Variants in TCF20 observed in about 807,000 individuals in gnomAD.
TCF20 encodes SPRE-binding protein.
TCF20 carries 3 observed loss-of-function variants against 148.6 expected under a neutral mutation model. The ratio of observed to expected loss-of-function variants is 0.02; its 90% CI spans 0.01 to 0.05. TCF20 has a LOEUF of 0.05. Ranked by LOEUF, TCF20 falls within the 10% of genes least tolerant of loss-of-function variation. The pLI, the probability that TCF20 is intolerant of heterozygous loss-of-function variation, is 1.00. For missense variants in TCF20, 2,350 were observed against 2,429.3 expected (o/e 0.97, Z 0.69); for synonymous variants, 1,049 against 909.5 (o/e 1.15, Z -2.76).
At chr22:42,226,760 A>G (rs1922940791) in intron 1 of TCF20, among the ~76,000 whole-genome samples, 1 of 152,188 alleles carries the variant, frequency 6.6e-6, no homozygotes, top group Non-Finnish European at 1.5e-5. Flanking sequence ...ATTAAAATTC[A>G]AAAGATATCA....
intron 2 of TCF20, among the ~76,000 whole-genome samples, chr22:42,198,172 G>A (rs890508134): frequency 6.6e-6 from 1 of 152,084 alleles, no homozygotes; most frequent in African/African-American, 2.4e-5. Context: ...AGATTAGAAT[G>A]AAAATTAAAA....
intron 5 of TCF20, among the ~76,000 whole-genome samples, chr22:42,164,413 A>G (rs958491812): frequency 1.3e-5 from 2 of 151,700 alleles, no homozygotes; most frequent in South Asian, 2.1e-4. Context: ...TAGTGTTTTA[A>G]TTTTTTGTAT....
At chr22:42,313,445 T>C (rs973423757) in intron 1 of TCF20, among the ~76,000 whole-genome samples, 5 of 152,070 alleles carry the variant, frequency 3.3e-5, no homozygotes, top group African/African-American at 1.2e-4. Flanking sequence ...TTCCTTCACA[T>C]TGCTTCCTGC....
At chr22:42,182,345 C>T (rs1660865863) in intron 2 of TCF20, among the ~76,000 whole-genome samples, 3 of 152,160 alleles carry the variant, frequency 2.0e-5, no homozygotes, top group Non-Finnish European at 4.4e-5. Context: ...AGGCTTAAAA[C>T]AGTGGCTGGG....
At chr22:42,339,705 C>T (rs1010149860) in intron 1 of TCF20, among the ~76,000 whole-genome samples, 1 of 152,244 alleles carries the variant, frequency 6.6e-6, no homozygotes. Context: ...GTGAGTGGCA[C>T]AGCCACAGTG....
At chr22:42,184,745 A>C (rs1936966135) in intron 2 of TCF20, among the ~76,000 whole-genome samples, 1 of 152,208 alleles carries the variant, frequency 6.6e-6, no homozygotes, top group African/African-American at 2.4e-5. Context: ...AAACTTCAAA[A>C]TCTTTTAATA....
At chr22:42,238,189 T>C (rs1489916484) in intron 1 of TCF20, among the ~76,000 whole-genome samples, 2 of 152,244 alleles carry the variant, frequency 1.3e-5, no homozygotes, top group Non-Finnish European at 2.9e-5. Context: ...ACATTAGCAC[T>C]TGCTTCAACT....
At chr22:42,209,061 CGACTGCAA>C (rs1470448543) in intron 2 of TCF20, among the ~76,000 whole-genome samples, 1 of 152,190 alleles carries the variant, frequency 6.6e-6, no homozygotes, top group Non-Finnish European at 1.5e-5. Context: ...CCAGGAAGAA[CGACTGCAA>C]GACAGTGAGA....
At chr22:42,328,134 C>G (rs1927906689) in intron 1 of TCF20, among the ~76,000 whole-genome samples, 1 of 152,088 alleles carries the variant, frequency 6.6e-6, no homozygotes, top group African/African-American at 2.4e-5. Flanking sequence ...GAACAAATGC[C>G]CCTTCTCCAC....
intron 1 of TCF20, among the ~76,000 whole-genome samples, chr22:42,321,140 C>T (rs1411467874): frequency 6.6e-6 from 1 of 152,354 alleles, no homozygotes; most frequent in South Asian, 2.1e-4. Context: ...AGATTTAAGG[C>T]CTTCTTGGCC....
At chr22:42,316,644 G>A (rs1927637022) in intron 1 of TCF20, among the ~76,000 whole-genome samples, 1 of 113,396 alleles carries the variant, frequency 8.8e-6, no homozygotes, top group African/African-American at 4.2e-5. Context: ...CACCATGTTG[G>A]CCAGGCTGGT....
At chr22:42,293,835 A>T (rs574414761) in intron 1 of TCF20, among the ~76,000 whole-genome samples, 1 of 152,218 alleles carries the variant, frequency 6.6e-6, no homozygotes, top group Non-Finnish European at 1.5e-5. Flanking sequence ...CACCGTCTCT[A>T]CTAACATTAC....
At chr22:42,175,993 A>G (rs900693812) in intron 3 of TCF20, among the ~76,000 whole-genome samples, 2 of 151,804 alleles carry the variant, frequency 1.3e-5, no homozygotes, top group Non-Finnish European at 2.9e-5. Context: ...ACAGGGTTTC[A>G]CCATGTTGGC....
At chr22:42,168,380 G>A (rs556156452) in intron 5 of TCF20, among the ~76,000 whole-genome samples, 43 of 152,280 alleles carry the variant, frequency 2.8e-4, no homozygotes, top group Non-Finnish European at 5.1e-4. Context: ...CTGCCTTCAG[G>A]AACAGTCACC....
In TCF20 at chr22:42,290,818, G is replaced by A. The variant is rs1927119623; in HGVS notation, c.-37+52661C>T. ...GCCTCCCAGAGCACACAGGGGCCTT[G>A]GGGCAGGCCTGCTGCCCATCCTGGT... On this transcript the variant is annotated intron_variant, in intron 1 of 1. Transcript: ENST00000515426. This position sits in a 1 kb window ranked among gnomAD's most constrained non-coding sequence, Gnocchi z 4.2. Among the ~76,000 whole-genome samples the A allele has an allele frequency of 1.3e-5, 2 of 152,338 alleles. No individual in the cohort carries two copies. Among genetic ancestry groups the A allele is most frequent in the Admixed American group, 6.5e-5 (1 of 15,308 alleles).
At chr22:42,185,287 A>G (rs1936990458) in intron 2 of TCF20, among the ~76,000 whole-genome samples, 1 of 152,034 alleles carries the variant, frequency 6.6e-6, no homozygotes, top group African/African-American at 2.4e-5. Context: ...TGCTCACAAT[A>G]TTTACTTACT....
At chr22:42,194,569 A>G (rs1006859335) in intron 2 of TCF20, among the ~76,000 whole-genome samples, 9 of 150,948 alleles carry the variant, frequency 6.0e-5, no homozygotes, top group African/African-American at 2.2e-4. Flanking sequence ...GCTAAATACT[A>G]ATGACTCTGC....
At chr22:42,252,224 T>C (rs986678540) in intron 1 of TCF20, among the ~76,000 whole-genome samples, 1 of 149,312 alleles carries the variant, frequency 6.7e-6, no homozygotes, top group African/African-American at 2.5e-5. Context: ...GAGACAGAGG[T>C]TGCAGTGAGC....
At chr22:42,232,602 C>T (rs1345118501) in intron 1 of TCF20, among the ~76,000 whole-genome samples, 7 of 151,894 alleles carry the variant, frequency 4.6e-5, no homozygotes, top group African/African-American at 1.7e-4. Context: ...TCGAGGCGGG[C>T]GGATCACGAG....
Sources: allele counts gnomAD v4.1 joint callset (sites outside exome capture counted in the v4.1 genomes callset), GRCh38; gene constraint gnomAD v4.1.1; non-coding constraint Gnocchi (gnomAD v3.1); transcripts MANE v1.5; gene names NCBI Gene and HGNC (gene_info 2026-07-23, HGNC 2026-07-21).